Variants in KCNH1 observed in about 807,000 individuals in gnomAD.
KCNH1 encodes the protein voltage-gated delayed rectifier potassium channel KCNH1.
A neutral mutation model predicts 69.2 loss-of-function variants in KCNH1; 27 were observed. The observed-to-expected ratio is 0.39, with a 90% CI of 0.29 to 0.54. The LOEUF is 0.54. Ranked by LOEUF, KCNH1 falls within the 20% of genes least tolerant of loss-of-function variation. KCNH1 has a pLI of 0.68. For synonymous variants in KCNH1, 456 were observed against 487.7 expected (o/e 0.93, Z 0.86); for missense variants, 798 against 1,261.6 (o/e 0.63, Z 5.57).
intron 10 of KCNH1, among the ~76,000 whole-genome samples, chr1:210,719,965 C>T (rs1034078230): frequency 6.6e-6 from 1 of 152,164 alleles, no homozygotes; most frequent in African/African-American, 2.4e-5. Context: ...GTGTAAATGT[C>T]TGTGTGTCCC....
chr1:210,738,418 A>G (rs971641758), intron 10 of KCNH1, among the ~76,000 whole-genome samples: 1 of 152,074 alleles, frequency 6.6e-6, no homozygotes, highest in African/African-American at 2.4e-5. Context: ...TGGGCACATG[A>G]CTCAAGCTAG....
chr1:210,742,007 G>A (rs1450099049), intron 10 of KCNH1, among the ~76,000 whole-genome samples: 1 of 152,148 alleles, frequency 6.6e-6, no homozygotes, highest in African/African-American at 2.4e-5. Context: ...CATAACTATT[G>A]GAAGGAAAAC....
intron 7 of KCNH1, among the ~76,000 whole-genome samples, chr1:210,839,022 G>A (rs1685349676): frequency 6.6e-6 from 1 of 152,056 alleles, no homozygotes. Flanking sequence ...AGACCTAGAG[G>A]CAGAAATACC....
At chr1:210,962,285 T>C (rs949339072) in intron 6 of KCNH1, among the ~76,000 whole-genome samples, 2 of 152,186 alleles carry the variant, frequency 1.3e-5, no homozygotes, top group African/African-American at 2.4e-5. Context: ...TTCTCCTTGA[T>C]TGTCTGATAC....
chr1:210,981,712 A>G (rs1160535026), intron 6 of KCNH1, among the ~76,000 whole-genome samples: 2 of 152,150 alleles, frequency 1.3e-5, no homozygotes, highest in East Asian at 3.9e-4. Flanking sequence ...AATTCCAGTG[A>G]CTCAGGCAAA....
At chr1:210,740,704 ATTTTTTTTTT>A (rs199727493) in intron 10 of KCNH1, among the ~76,000 whole-genome samples, 71 of 117,250 alleles carry the variant, frequency 6.1e-4, no homozygotes, top group African/African-American at 1.9e-3. Context: ...TTATGATTAA[ATTTTTTTTTT>A]TTTTTTTTTT....
At chr1:210,847,282 T>C (rs908739185) in intron 7 of KCNH1, among the ~76,000 whole-genome samples, 5 of 152,160 alleles carry the variant, frequency 3.3e-5, no homozygotes, top group African/African-American at 1.2e-4. Context: ...CATGCACACG[T>C]ATGTTTATTG....
chr1:210,699,729 C>T (rs548662636), intron 10 of KCNH1, among the ~76,000 whole-genome samples: 1 of 152,338 alleles, frequency 6.6e-6, no homozygotes, highest in South Asian at 2.1e-4. Context: ...CCATTCTACA[C>T]ATGACTTTTT....
intron 6 of KCNH1, among the ~76,000 whole-genome samples, chr1:210,992,581 C>T (rs1688956453): frequency 6.6e-6 from 1 of 151,964 alleles, no homozygotes; most frequent in African/African-American, 2.4e-5. Flanking sequence ...GCTTTTTTAA[C>T]ATATTTTTTT....
chr1:210,892,209 T>C (rs529043983), intron 7 of KCNH1, among the ~76,000 whole-genome samples: 1 of 151,524 alleles, frequency 6.6e-6, no homozygotes, highest in East Asian at 1.9e-4. Flanking sequence ...ACTTAAAGTA[T>C]ATATATATGA....
At chr1:210,732,004 G>A (rs1682758076) in intron 10 of KCNH1, among the ~76,000 whole-genome samples, 1 of 152,034 alleles carries the variant, frequency 6.6e-6, no homozygotes, top group African/African-American at 2.4e-5. Flanking sequence ...GGCCCAGTGT[G>A]CCACAGAGGC....
chr1:210,956,963 ATTTG>A (rs765539639), intron 6 of KCNH1, among the ~76,000 whole-genome samples: 2 of 151,868 alleles, frequency 1.3e-5, no homozygotes, highest in Non-Finnish European at 2.9e-5. Flanking sequence ...TAACTTTTGA[ATTTG>A]TTTGGTCTTG....
chr1:210,834,192 C>A (rs1368674696), intron 7 of KCNH1, among the ~76,000 whole-genome samples: 1 of 151,710 alleles, frequency 6.6e-6, no homozygotes, highest in East Asian at 1.9e-4. Context: ...TGGGTATATA[C>A]CCAAAGGACT....
At chr1:211,002,351 TATACACACAC>T (rs1240087294) in intron 6 of KCNH1, among the ~76,000 whole-genome samples, 2 of 147,724 alleles carry the variant, frequency 1.4e-5, no homozygotes, top group Non-Finnish European at 3.0e-5. Flanking sequence ...TATATATATA[TATACACACAC>T]ACATATATAT....
At chr1:210,928,255 A>G (rs1382750551) in intron 6 of KCNH1, among the ~76,000 whole-genome samples, 1 of 152,192 alleles carries the variant, frequency 6.6e-6, no homozygotes, top group African/African-American at 2.4e-5. Context: ...TGCAGAATAC[A>G]CATTCAGCAC....
At chr1:210,962,531 T>G (rs1236884064) in intron 6 of KCNH1, among the ~76,000 whole-genome samples, 1 of 152,162 alleles carries the variant, frequency 6.6e-6, no homozygotes, top group Admixed American at 6.6e-5. Context: ...TTTATTTAAT[T>G]TTATTCAATG....
chr1:210,934,218 C>G (rs1189032741), intron 6 of KCNH1, among the ~76,000 whole-genome samples: 1 of 152,118 alleles, frequency 6.6e-6, no homozygotes, highest in Non-Finnish European at 1.5e-5. Context: ...TTCTGTAAAG[C>G]AAAGGAAACA....
intron 10 of KCNH1, among the ~76,000 whole-genome samples, chr1:210,748,909 T>G (rs1037541689): frequency 1.3e-5 from 2 of 152,194 alleles, no homozygotes; most frequent in Admixed American, 6.5e-5. Context: ...ACACCCCACC[T>G]GTCCTACCTG....
intron 7 of KCNH1, among the ~76,000 whole-genome samples, chr1:210,900,939 C>A (rs909970233): frequency 6.6e-6 from 1 of 152,120 alleles, no homozygotes; most frequent in Non-Finnish European, 1.5e-5. Flanking sequence ...AAAACACAGA[C>A]ACCCCTCCCT....
Sources: allele counts gnomAD v4.1 joint callset (sites outside exome capture counted in the v4.1 genomes callset), GRCh38; gene constraint gnomAD v4.1.1; transcripts MANE v1.5; gene names NCBI Gene and HGNC (gene_info 2026-07-23, HGNC 2026-07-21).